The following CERS4 variants were observed in gnomAD, a reference collection of about 807,000 sequenced individuals.
CERS4 encodes the protein ceramide synthase 4, also known as LAG1 homolog, ceramide synthase 4.
A neutral mutation model predicts 51.8 loss-of-function variants in CERS4; 65 were observed. The ratio of observed to expected loss-of-function variants is 1.26; its 90% CI spans 1.03 to 1.54. The LOEUF (loss-of-function observed/expected upper bound fraction) is 1.54, where lower values mean the gene tolerates loss of function less well. Among genes scored for constraint, CERS4 ranks in the 40% most tolerant of loss-of-function variants. CERS4 has a pLI of 0.00. For missense variants in CERS4, 563 were observed against 500.4 expected (o/e 1.13, Z -1.19); for synonymous variants, 228 against 208.4 (o/e 1.09, Z -0.81).
intron 2 of CERS4, among the ~76,000 whole-genome samples, chr19:8,230,141 C>T (rs1967949354): frequency 6.6e-6 from 1 of 152,112 alleles, no homozygotes; most frequent in South Asian, 2.1e-4. Flanking sequence ...ATTCTCTTTC[C>T]TTTCTCCTTC....
At chr19:8,243,874 A>C (rs1568522133) in intron 2 of CERS4, among the ~76,000 whole-genome samples, 2 of 151,640 alleles carry the variant, frequency 1.3e-5, no homozygotes, top group Non-Finnish European at 2.9e-5. Context: ...GTGTTGTCTG[A>C]CACTTAGCCT....
chr19:8,260,781 T>A (rs1969642826), intron 10 of CERS4, among the ~76,000 whole-genome samples: 1 of 146,274 alleles, frequency 6.8e-6, no homozygotes, highest in Admixed American at 7.0e-5. Context: ...AAAAACCACC[T>A]CTCTACTAAA....
In CERS4 at chr19:8,261,933, GAGA is replaced by G. The variant is rs753077018; in HGVS notation, c.1012_1014del (p.Lys338del). ...CATCCCTCTCTCTGTTCCCCAGATG[GAGA>G]AGGACATTCGTAGTGATGTAGAAGA... On this transcript the variant is annotated inframe_deletion, in exon 12 of 12. Coordinates refer to ENST00000251363, the MANE Select transcript of CERS4 (RefSeq NM_024552.3). 15 of 1,608,826 alleles carry G rather than the reference GAGA, an allele frequency of 9.3e-6. No homozygotes were observed. Among genetic ancestry groups the G allele is most frequent in the Middle Eastern group, 1.7e-4 (1 of 6,036 alleles).
At chr19:8,253,449 CTTTTTT>C (rs35212733) in intron 3 of CERS4, among the ~76,000 whole-genome samples, 10 of 74,054 alleles carry the variant, frequency 1.4e-4, no homozygotes, top group African/African-American at 3.5e-4. Context: ...GTCCAGCTGC[CTTTTTT>C]TTTTTTTTTT....
intron 3 of CERS4, among the ~76,000 whole-genome samples, chr19:8,251,879 G>A (rs1969100752): frequency 6.6e-6 from 1 of 151,972 alleles, no homozygotes; most frequent in African/African-American, 2.4e-5. Flanking sequence ...AGTGGGGTGG[G>A]CGGAGGGTTT....
intron 2 of CERS4, chr19:8,250,381 T>C (rs1969014658): frequency 6.6e-6 from 1 of 152,266 alleles, no homozygotes; most frequent in Non-Finnish European, 1.5e-5. Flanking sequence ...TGTGTTATTA[T>C]TACTCTTGTT....
rs368052071 is a variant in CERS4 at position 8,261,747 on chromosome 19, A to G, written c.908A>G (p.Tyr303Cys). Residue 303 changes from tyrosine (Y) to cysteine (C), a missense_variant, in exon 11 of 12, where the codon TAC (tyrosine) becomes TGC (cysteine). Coordinates refer to ENST00000251363, the MANE Select transcript of CERS4 (RefSeq NM_024552.3). Reference sequence around the variant, plus strand: ...AACAGGGGCCCCTTCTTCGGCTACTACTTCTTCAACGGGCTTCTGATGTTG... The same window carrying G: ...AACAGGGGCCCCTTCTTCGGCTACTGCTTCTTCAACGGGCTTCTGATGTTG... ...ISNRGPFFGY[Y>C]FFNGLLMLLQ... 6.2e-7 allele frequency: 1 copy of G among 1,614,014 alleles called. No individual in the cohort carries two copies. Among genetic ancestry groups the G allele is most frequent in the Non-Finnish European group, 8.5e-7 (1 of 1,179,986 alleles).
intron 2 of CERS4, among the ~76,000 whole-genome samples, chr19:8,240,271 G>A (rs1207047666): frequency 6.6e-6 from 1 of 152,066 alleles, no homozygotes; most frequent in African/African-American, 2.4e-5. Flanking sequence ...AGAAATAAGG[G>A]GCTCAGGTAA....
intron 2 of CERS4, chr19:8,238,591 C>T (rs764352006): frequency 3.0e-5 from 30 of 985,296 alleles, no homozygotes; most frequent in Non-Finnish European, 3.5e-5. Flanking sequence ...TTACTTCCTT[C>T]CCACAGCAGG....
chr19:8,241,804 C>G (rs1393153134), intron 2 of CERS4, among the ~76,000 whole-genome samples: 4 of 152,156 alleles, frequency 2.6e-5, no homozygotes, highest in Non-Finnish European at 2.9e-5. Context: ...CCCGCCTGCC[C>G]TGAGCCTCAC....
rs372367933 is a variant in CERS4, at chr19:8,210,121, T to C, written c.-158-585T>C. Reference sequence around the variant, plus strand: ...AGGTGGAGAGAGGTTGGCCGGGGCCTGGGAAGCGGCGAGGAGAGTGTGGAA... The same window carrying C: ...AGGTGGAGAGAGGTTGGCCGGGGCCCGGGAAGCGGCGAGGAGAGTGTGGAA... On this transcript the variant is annotated intron_variant, in intron 1 of 11. Transcript: ENST00000251363. The surrounding 1 kb of genome is among the most constrained non-coding windows in gnomAD (Gnocchi z 4.2). 1.1e-4 allele frequency among the ~76,000 whole-genome samples: 16 copies of C among 149,372 alleles called. No individual in the cohort carries two copies. In the South Asian group the frequency reaches 3.5e-3, roughly 32 times the overall value.
At chr19:8,232,765 G>A (rs1968070051) in intron 2 of CERS4, among the ~76,000 whole-genome samples, 1 of 150,020 alleles carries the variant, frequency 6.7e-6, no homozygotes, top group Admixed American at 6.7e-5. Flanking sequence ...CTGTTGCCCA[G>A]GTTAGAGTGC....
chr19:8,261,587 T>C, intron 10 of CERS4, 101 bp from the exon 11 acceptor site: 1 of 1,355,738 alleles, frequency 7.4e-7, no homozygotes, highest in Admixed American at 1.8e-5. Flanking sequence ...GAGCCATAGG[T>C]GGTTATGGAG....
intron 10 of CERS4, among the ~76,000 whole-genome samples, chr19:8,260,250 A>G (rs1394301347): frequency 6.6e-6 from 1 of 151,970 alleles, no homozygotes; most frequent in African/African-American, 2.4e-5. Flanking sequence ...ACTGGAGTGC[A>G]ATGGCGTGAT....
In CERS4 at chr19:8,256,727, G is replaced by C. The variant is rs749783124; in HGVS notation, c.612+17G>C. ...AAGCGCAAGGTGAGGCCAAATAAGAGTCTGGAAGACCCAGTCTCTGGCCGG... is the reference window on the plus strand; with the variant it reads ...AAGCGCAAGGTGAGGCCAAATAAGACTCTGGAAGACCCAGTCTCTGGCCGG... On this transcript the variant is annotated intron_variant, in intron 8 of 11. Coordinates refer to ENST00000251363, the MANE Select transcript of CERS4 (RefSeq NM_024552.3). 1 of 1,609,286 alleles carries C rather than the reference G, an allele frequency of 6.2e-7. No homozygotes were observed. The highest frequency in any genetic ancestry group is 2.2e-5 in the East Asian group (1 of 44,870).
chr19:8,228,747 A>G (rs1967889069), intron 2 of CERS4, among the ~76,000 whole-genome samples: 1 of 151,308 alleles, frequency 6.6e-6, no homozygotes, highest in Non-Finnish European at 1.5e-5. Context: ...GTGAAGGCCG[A>G]TCATGGTGGC....
chr19:8,259,709 T>C (rs1969578075), intron 10 of CERS4, among the ~76,000 whole-genome samples: 1 of 152,040 alleles, frequency 6.6e-6, no homozygotes, highest in African/African-American at 2.4e-5. Flanking sequence ...GAGGGGTCTG[T>C]GGCCTCAGAG....
At chr19:8,214,904 T>G (rs1254523876) in intron 2 of CERS4, among the ~76,000 whole-genome samples, 109 of 73,754 alleles carry the variant, frequency 1.5e-3, no homozygotes, top group South Asian at 2.2e-3. Flanking sequence ...GGGGAGGAGG[T>G]GGGAGGGGAG....
intron 2 of CERS4, among the ~76,000 whole-genome samples, chr19:8,249,885 C>T (rs694414): frequency 0.44 from 66,428 of 151,790 alleles, 15,142 homozygotes; most frequent in South Asian, 0.57. Context: ...CCACTGAGCC[C>T]GGCCTCTGGA....
Sources: gnomAD v4.1 joint callset for allele counts (sites outside exome capture counted in the v4.1 genomes callset) on GRCh38, gnomAD v4.1.1 for gene constraint, Gnocchi (gnomAD v3.1) non-coding constraint, MANE v1.5 for transcripts, NCBI Gene and HGNC (gene_info 2026-07-23, HGNC 2026-07-21) for gene names.